ATP11C: variants seen among roughly 807,000 people sequenced by gnomAD.
The protein encoded by ATP11C is phospholipid-transporting ATPase IG.
Under a neutral mutation model 97.4 loss-of-function variants are expected in ATP11C, and 36 were observed. The observed-to-expected ratio is 0.37, with a 90% CI of 0.28 to 0.49. The LOEUF is 0.49. Among genes scored for constraint, ATP11C ranks in the 20% least tolerant of loss-of-function variants. The probability of loss-of-function intolerance (pLI) is 0.98; values close to 1 mark genes in which losing one functional copy is unlikely to be tolerated. For synonymous variants in ATP11C, 275 were observed against 290.9 expected (o/e 0.95, Z 0.56); for missense variants, 730 against 824.6 (o/e 0.89, Z 1.40).
At chrX:139,921,968 G>C (rs979929647) in intron 1 of ATP11C, among the ~76,000 whole-genome samples, 1 of 109,342 alleles carries the variant, frequency 9.1e-6, no homozygotes, top group African/African-American at 3.3e-5. Flanking sequence ...ACTTTGGGAG[G>C]CTGAGTCAGG....
chrX:139,741,100 A>T lies in ATP11C; in HGVS notation c.3031-6T>A, dbSNP rs941171609. ...AATCGGGTATCCAAGGCAAGCTGAA[A>T]AGATACAACACAAAAGATTTCACGA... On this transcript the variant is annotated splice_polypyrimidine_tract_variant and splice_region_variant and intron_variant, in intron 26 of 29. Transcript: ENST00000682941. 8.9e-7 allele frequency: 1 copy of T among 1,129,198 alleles called. No homozygotes were observed. Among genetic ancestry groups the T allele is most frequent in the Non-Finnish European group, 1.2e-6 (1 of 822,589 alleles). The allele number at this position is 1,129,198 out of a possible 1,213,427, so 93.1% of individuals were successfully genotyped here. A position where few individuals can be genotyped will look rare whatever the true frequency, so the allele number is the denominator to read the frequency against.
At chrX:139,732,617 A>G (rs1306397317) in intron 28 of ATP11C, 3 of 224,468 alleles carry the variant, frequency 1.3e-5, no homozygotes, top group Non-Finnish European at 2.6e-5. Context: ...TAATCTCTCA[A>G]ATGTAAGACA....
intron 1 of ATP11C, among the ~76,000 whole-genome samples, chrX:139,897,168 G>A (rs778567004): frequency 1.8e-5 from 2 of 110,867 alleles, no homozygotes; most frequent in South Asian, 7.8e-4. Flanking sequence ...CAAGGTAGCA[G>A]TAAGCCGAGA....
At chrX:139,922,223 AATATATATATATATATATATAT>A (rs201394639) in intron 1 of ATP11C, among the ~76,000 whole-genome samples, 872 of 43,757 alleles carry the variant, frequency 0.02, 27 homozygotes, top group Non-Finnish European at 0.023. Context: ...TCCTTCTCTA[AATATATATATATATATATATAT>A]ATATATATAT....
At chrX:139,831,362 A>C (rs2083646155) in intron 1 of ATP11C, among the ~76,000 whole-genome samples, 1 of 110,260 alleles carries the variant, frequency 9.1e-6, no homozygotes, top group Non-Finnish European at 1.9e-5. Flanking sequence ...AAAAAAAAAA[A>C]CTACTACAGG....
chrX:139,801,012 G>T lies in ATP11C; in HGVS notation c.660-902C>A, dbSNP rs190370326. Among the ~76,000 whole-genome samples the T allele has an allele frequency of 3.6e-3, 406 of 112,086 alleles. 1 individual carries two copies. The highest frequency in any genetic ancestry group is 0.012 in the African/African-American group (382 of 30,888). ...ATAAAAGTAAATAGGCAATTACGAC[G>T]CAAGTGCTTACCACTAGAGTGATAG... is the stretch of plus-strand genomic sequence containing the variant. On this transcript the variant is annotated intron_variant, in intron 7 of 29. Transcript: ENST00000682941.
intron 1 of ATP11C, among the ~76,000 whole-genome samples, chrX:139,839,046 AAATG>A (rs1298148576): frequency 4.4e-5 from 5 of 112,667 alleles, no homozygotes; most frequent in African/African-American, 1.3e-4. Flanking sequence ...TCAGCCATAA[AAATG>A]AATGAAGCAT....
At chrX:139,854,316 G>A (rs1040787718) in intron 1 of ATP11C, among the ~76,000 whole-genome samples, 1 of 112,284 alleles carries the variant, frequency 8.9e-6, no homozygotes, top group Non-Finnish European at 1.9e-5. Flanking sequence ...TTCAACAAAA[G>A]TAAAGTTTGC....
At chrX:139,798,644 T>C (rs764442484) in intron 9 of ATP11C, 35 bp downstream of exon 9, 1 of 1,068,185 alleles carries the variant, frequency 9.4e-7, no homozygotes, top group Non-Finnish European at 1.3e-6. Context: ...TTACAAAGCA[T>C]ATTTTTTGAT....
chrX:139,895,505 A>G (rs1022246787), intron 1 of ATP11C, among the ~76,000 whole-genome samples: 2 of 111,775 alleles, frequency 1.8e-5, no homozygotes, highest in Non-Finnish European at 3.8e-5. Context: ...CCTGACCTCA[A>G]GTGATGCACC....
At chrX:139,859,370 G>A (rs1389774552) in intron 1 of ATP11C, among the ~76,000 whole-genome samples, 1 of 111,857 alleles carries the variant, frequency 8.9e-6, no homozygotes, top group Admixed American at 9.5e-5. Flanking sequence ...AATGATAAAT[G>A]TTTAAGGTGA....
At chrX:139,929,263 T>C (rs753939584) in intron 1 of ATP11C, among the ~76,000 whole-genome samples, 3 of 111,947 alleles carry the variant, frequency 2.7e-5, no homozygotes, top group South Asian at 7.4e-4. Flanking sequence ...TAAAATGCTA[T>C]ACACCAAATC....
chrX:139,744,615 A>G (rs2081641239), intron 25 of ATP11C, among the ~76,000 whole-genome samples: 1 of 112,022 alleles, frequency 8.9e-6, no homozygotes, highest in African/African-American at 3.2e-5. Context: ...AAAGCTGCAC[A>G]ATCAGTTATA....
In ATP11C at chrX:139,908,007, T is replaced by C. The variant is rs757446591; in HGVS notation, c.27+24009A>G. On this transcript the variant is annotated intron_variant, in intron 1 of 29. Coordinates refer to ENST00000682941, the MANE Select transcript of ATP11C (RefSeq NM_001353812.2). The stretch of plus-strand genomic sequence containing the variant: ...CATGTGATAGGATACTCAATAAATA[T>C]GTGTGAATGGATTAAATAGACAACT... 4.5e-5 allele frequency among the ~76,000 whole-genome samples: 5 copies of C among 111,250 alleles called. No homozygotes were observed. The East Asian group carries it at 8.6e-4, about 19-fold the overall frequency.
intron 29 of ATP11C, among the ~76,000 whole-genome samples, chrX:139,731,303 T>A (rs2081336241): frequency 8.9e-6 from 1 of 112,249 alleles, no homozygotes; most frequent in South Asian, 3.6e-4. Flanking sequence ...TTCCAAATGA[T>A]CTTTATAAAT....
chrX:139,832,383 T>C, intron 1 of ATP11C: 2 of 929,725 alleles, frequency 2.2e-6, no homozygotes, highest in Non-Finnish European at 2.8e-6. Context: ...TGACAGTCTA[T>C]TCCTTAAGAG....
At chrX:139,848,992 C>G (rs745513832) in intron 1 of ATP11C, among the ~76,000 whole-genome samples, 2 of 111,971 alleles carry the variant, frequency 1.8e-5, no homozygotes, top group Non-Finnish European at 3.8e-5. Context: ...CTTCCTTCAT[C>G]TGACTCTCCA....
intron 29 of ATP11C, among the ~76,000 whole-genome samples, chrX:139,729,554 A>G (rs1204950811): frequency 8.9e-6 from 1 of 111,769 alleles, no homozygotes; most frequent in Non-Finnish European, 1.9e-5. Context: ...TCATGTATCT[A>G]TGAGTCGATT....
At chrX:139,790,604 C>G (rs1273643505) in intron 12 of ATP11C, among the ~76,000 whole-genome samples, 2 of 110,381 alleles carry the variant, frequency 1.8e-5, no homozygotes, top group East Asian at 5.7e-4. Flanking sequence ...GGTTTTTTTC[C>G]CCTTTTAAAA....
Sources: allele counts gnomAD v4.1 joint callset (sites outside exome capture counted in the v4.1 genomes callset), GRCh38; gene constraint gnomAD v4.1.1; transcripts MANE v1.5; gene names NCBI Gene and HGNC (gene_info 2026-07-23, HGNC 2026-07-21).